The following CNTN5 variants were observed in gnomAD, a reference collection of about 807,000 sequenced individuals.
CNTN5 encodes contactin-5.
CNTN5 carries 77 observed loss-of-function variants against 129.1 expected under a neutral mutation model. That is an observed-to-expected ratio of 0.60 (90% CI 0.50 to 0.72). CNTN5 has a LOEUF of 0.72. Ranked by LOEUF, CNTN5 falls within the 30% of genes least tolerant of loss-of-function variation. The probability of loss-of-function intolerance (pLI) is 0.00; values close to 1 mark genes in which losing one functional copy is unlikely to be tolerated. For synonymous variants in CNTN5, 509 were observed against 465.6 expected, an observed-to-expected ratio of 1.09 and a Z score of -1.20; for missense variants, 1,478 against 1,328.8, an observed-to-expected ratio of 1.11 and a Z score of -1.75.
chr11:99,290,692 C>G (rs1271172146), intron 1 of CNTN5, among the ~76,000 whole-genome samples: 1 of 151,802 alleles, frequency 6.6e-6, no homozygotes, highest in African/African-American at 2.4e-5. Flanking sequence ...TATTCCCAAT[C>G]AATGGAATTG....
chr11:99,287,746 G>A (rs1040405512), intron 1 of CNTN5, among the ~76,000 whole-genome samples: 7 of 151,810 alleles, frequency 4.6e-5, no homozygotes, highest in South Asian at 2.1e-4. Flanking sequence ...AGTATATAAG[G>A]ACATTAATAC....
rs535376911 is a variant in CNTN5 at position 100,274,406 on chromosome 11, G to C, written c.2314+3165G>C. Among the ~76,000 whole-genome samples, 8 of 152,184 alleles carry C rather than the reference G, an allele frequency of 5.3e-5. No homozygotes were observed. The East Asian group carries it at 1.5e-3, about 29-fold the overall frequency. On this transcript the variant is annotated intron_variant, in intron 18 of 24. Transcript: ENST00000524871. ...TTAAACTTAAGAGCTTCTGCACAGT[G>C]AAAGAAACTGTCAACAGAGTAAACA...
intron 2 of CNTN5, among the ~76,000 whole-genome samples, chr11:99,358,271 T>TTTTTTTTTTTTTTTTTTA (rs1565518506): frequency 2.3e-5 from 3 of 129,534 alleles, no homozygotes; most frequent in African/African-American, 8.2e-5. Context: ...TTTTTTTTTT[T>TTTTTTTTTTTTTTTTTTA]TTTTAGTAGA....
chr11:100,079,343 A>G (rs2137919133), intron 13 of CNTN5, among the ~76,000 whole-genome samples: 1 of 152,240 alleles, frequency 6.6e-6, no homozygotes, highest in East Asian at 1.9e-4. Context: ...AATACCTAAG[A>G]TTTGTTTCCA....
chr11:99,864,308 C>G (rs1948296292), intron 6 of CNTN5, among the ~76,000 whole-genome samples: 1 of 151,952 alleles, frequency 6.6e-6, no homozygotes, highest in Admixed American at 6.6e-5. Context: ...GTAATACTAA[C>G]AGATTACTAC....
At chr11:99,452,790 T>C (rs1188808280) in intron 2 of CNTN5, among the ~76,000 whole-genome samples, 3 of 152,160 alleles carry the variant, frequency 2.0e-5, no homozygotes, top group Admixed American at 6.5e-5. Flanking sequence ...AAAATGATTA[T>C]TATGGGAAAA....
intron 2 of CNTN5, among the ~76,000 whole-genome samples, chr11:99,409,483 A>G (rs1300147505): frequency 2.6e-5 from 4 of 152,242 alleles, no homozygotes; most frequent in African/African-American, 9.6e-5. Context: ...AAATAAAAAA[A>G]TAAATAAATA....
intron 1 of CNTN5, among the ~76,000 whole-genome samples, chr11:99,229,366 A>G (rs1046128250): frequency 6.6e-6 from 1 of 152,012 alleles, no homozygotes; most frequent in Non-Finnish European, 1.5e-5. Flanking sequence ...TCTAAGCTAT[A>G]CAGGTGTTTT....
intron 1 of CNTN5, among the ~76,000 whole-genome samples, chr11:99,056,904 T>C (rs1414540014): frequency 6.6e-6 from 1 of 152,080 alleles, no homozygotes; most frequent in Non-Finnish European, 1.5e-5. Context: ...ATTTTCATTT[T>C]TGAATGTAAC....
chr11:100,193,508 A>T lies in CNTN5; in HGVS notation c.1729A>T (p.Thr577Ser), dbSNP rs755240253. Reference sequence around the variant, plus strand: ...TATAGAACCTACAAGGATAGAACTTACTCCTAAAAGAACAGAATTGACAGT... The same window carrying T: ...TATAGAACCTACAAGGATAGAACTTTCTCCTAAAAGAACAGAATTGACAGT... ...SVKEPTRIELTPKRTELTVGE... is the reference protein window; with the variant it reads ...SVKEPTRIELSPKRTELTVGE... Residue 577 changes from threonine to serine, a missense_variant, in exon 15 of 25, where the codon ACT becomes TCT. By Grantham distance (58) the Thr-to-Ser change is moderately conservative. Transcript: ENST00000524871. 3.1e-6 allele frequency: 5 copies of T among 1,598,540 alleles called. No individual in the cohort carries two copies. The East Asian group carries it at 1.1e-4, about 36-fold the overall frequency.
At chr11:99,501,635 G>A (rs899413656) in intron 2 of CNTN5, among the ~76,000 whole-genome samples, 1 of 152,124 alleles carries the variant, frequency 6.6e-6, no homozygotes, top group Admixed American at 6.6e-5. Flanking sequence ...ACAGGTAAAA[G>A]ATATTTTTGT....
intron 6 of CNTN5, among the ~76,000 whole-genome samples, chr11:99,893,754 T>C (rs949620682): frequency 6.6e-6 from 1 of 152,204 alleles, no homozygotes; most frequent in Admixed American, 6.5e-5. Context: ...ATCCATTCCT[T>C]CACATTAAGC....
intron 13 of CNTN5, among the ~76,000 whole-genome samples, chr11:100,165,511 T>TATTA (rs1947601417): frequency 6.6e-6 from 1 of 151,848 alleles, no homozygotes; most frequent in African/African-American, 2.4e-5. Flanking sequence ...AGGAAAATGT[T>TATTA]ATTACTAACT....
At chr11:99,217,719 C>T (rs1354384685) in intron 1 of CNTN5, among the ~76,000 whole-genome samples, 1 of 152,080 alleles carries the variant, frequency 6.6e-6, no homozygotes, top group African/African-American at 2.4e-5. Context: ...AGAATTTTCA[C>T]ATGCTTGTAC....
intron 1 of CNTN5, among the ~76,000 whole-genome samples, chr11:99,043,432 A>G (rs1391585550): frequency 6.6e-6 from 1 of 152,036 alleles, no homozygotes; most frequent in African/African-American, 2.4e-5. Flanking sequence ...CTTAAAGTAT[A>G]ATAAAAAAAA....
At chr11:100,170,849 C>T (rs920631281) in intron 13 of CNTN5, among the ~76,000 whole-genome samples, 3 of 151,010 alleles carry the variant, frequency 2.0e-5, no homozygotes, top group African/African-American at 4.9e-5. Context: ...TTACTGTTAA[C>T]TTTAAGATAG....
chr11:99,799,245 C>T (rs1223199242), intron 3 of CNTN5, among the ~76,000 whole-genome samples: 1 of 151,286 alleles, frequency 6.6e-6, no homozygotes, highest in Non-Finnish European at 1.5e-5. Context: ...TTATTTCTTC[C>T]TTCTGCTTGA....
chr11:99,480,395 G>T (rs1432268190), intron 2 of CNTN5, among the ~76,000 whole-genome samples: 1 of 152,062 alleles, frequency 6.6e-6, no homozygotes, highest in African/African-American at 2.4e-5. Context: ...TCTTTGGCAG[G>T]ATATTTGATC....
intron 15 of CNTN5, among the ~76,000 whole-genome samples, chr11:100,224,421 T>C (rs1255532211): frequency 6.6e-6 from 1 of 152,180 alleles, no homozygotes; most frequent in Non-Finnish European, 1.5e-5. Context: ...TTTAAATATA[T>C]GAGTTTGTGC....
Sources: gnomAD v4.1 joint callset for allele counts (sites outside exome capture counted in the v4.1 genomes callset) on GRCh38, gnomAD v4.1.1 for gene constraint, MANE v1.5 for transcripts, NCBI Gene and HGNC (gene_info 2026-07-23, HGNC 2026-07-21) for gene names.